The following HAPLN2 variants were observed in gnomAD, a reference collection of about 807,000 sequenced individuals.
HAPLN2 encodes hyaluronan and proteoglycan link protein 2.
Under a neutral mutation model 29.3 loss-of-function variants are expected in HAPLN2, and 27 were observed. That is an observed-to-expected ratio of 0.92 (90% CI 0.68 to 1.27). The LOEUF (loss-of-function observed/expected upper bound fraction) is 1.27. HAPLN2 is among the 50% of genes most tolerant of loss of function. HAPLN2 has a pLI of 0.00. For missense variants in HAPLN2, 454 were observed against 484.3 expected (o/e 0.94, Z 0.59); for synonymous variants, 208 against 211.7 (o/e 0.98, Z 0.15).
the HAPLN2 span, among the ~76,000 whole-genome samples, chr1:156,613,931 AAG>A: frequency 4.5e-4 from 66 of 147,552 alleles, no homozygotes; most frequent in Non-Finnish European, 7.4e-4. Context: ...AAAAAAAAAA[AAG>A]AAGAAAAGAA....
At position 156,620,482 on chromosome 1, in the gene HAPLN2, T is replaced by G. The variant is rs149855247; in HGVS notation, c.-25+324T>G. On this transcript the variant is annotated intron_variant, in intron 2 of 6. Transcript: ENST00000255039. ...GCACATTCAATTTTAAACGTGTTCA[T>G]TTGAGCTATCATTATTGTTGGTCTC... Among the ~76,000 whole-genome samples, 124 of 152,354 alleles carry G rather than the reference T, an allele frequency of 8.1e-4. 1 individual carries two copies. Among genetic ancestry groups the G allele is most frequent in the Non-Finnish European group, 1.1e-3 (74 of 68,036 alleles).
chr1:156,615,634 G>A (rs576995400), upstream of HAPLN2, among the ~76,000 whole-genome samples: 5 of 148,384 alleles, frequency 3.4e-5, no homozygotes, highest in East Asian at 6.1e-4. Flanking sequence ...GCAGTGGTGC[G>A]ATCTCAGCTC....
At chr1:156,622,308 G>T (rs956343456) in intron 2 of HAPLN2, among the ~76,000 whole-genome samples, 2 of 152,050 alleles carry the variant, frequency 1.3e-5, no homozygotes, top group South Asian at 4.2e-4. Context: ...AAAAAATTTA[G>T]TGGGGTTTCA....
chr1:156,613,544 A>G, the HAPLN2 span, among the ~76,000 whole-genome samples: 1 of 152,166 alleles, frequency 6.6e-6, no homozygotes, highest in Non-Finnish European at 1.5e-5. Context: ...TGTAAGTTGT[A>G]GATTATTTAT....
At chr1:156,622,551 G>A (rs998327792) in intron 2 of HAPLN2, among the ~76,000 whole-genome samples, 4 of 152,098 alleles carry the variant, frequency 2.6e-5, no homozygotes, top group South Asian at 2.1e-4. Context: ...AGGCCTGTGC[G>A]ACCAATGCAG....
the HAPLN2 span, among the ~76,000 whole-genome samples, chr1:156,609,192 T>C: frequency 6.6e-6 from 1 of 152,180 alleles, no homozygotes; most frequent in Non-Finnish European, 1.5e-5. Flanking sequence ...CCCCTAAACA[T>C]GCACAGGACC....
chr1:156,624,909 G>GGCCCCCCCCCCCC, intron 6 of HAPLN2, 126 bp downstream of exon 6: 4 of 999,492 alleles, frequency 4.0e-6, no homozygotes, highest in Non-Finnish European at 5.5e-6. Context: ...CCCCCCATCA[G>GGCCCCCCCCCCCC]CCCGCCCGCC....
chr1:156,602,457 C>T, the HAPLN2 span, among the ~76,000 whole-genome samples: 6 of 147,860 alleles, frequency 4.1e-5, no homozygotes, highest in South Asian at 1.1e-3. Context: ...CCTGTAATCC[C>T]AGCACTTTGG....
chr1:156,618,488 A>AT (rs1402608099), upstream of HAPLN2, among the ~76,000 whole-genome samples: 1 of 150,572 alleles, frequency 6.6e-6, no homozygotes, highest in Non-Finnish European at 1.5e-5. Context: ...TAAAAAAAAA[A>AT]TTTTAAAAAG....
At chr1:156,619,790 T>C (rs944634841) in intron 1 of HAPLN2, among the ~76,000 whole-genome samples, 1 of 152,164 alleles carries the variant, frequency 6.6e-6, no homozygotes, top group Non-Finnish European at 1.5e-5. Flanking sequence ...GCTCCCTTTA[T>C]TCCACTCCCC....
At chr1:156,607,037 T>G in the HAPLN2 span, among the ~76,000 whole-genome samples, 1 of 152,170 alleles carries the variant, frequency 6.6e-6, no homozygotes, top group African/African-American at 2.4e-5. Flanking sequence ...CCAATTTCTC[T>G]TTCTCCCCCA....
At chr1:156,605,694 A>G in the HAPLN2 span, among the ~76,000 whole-genome samples, 1 of 152,190 alleles carries the variant, frequency 6.6e-6, no homozygotes, top group Admixed American at 6.5e-5. Context: ...CCTGATTTCA[A>G]AACTTACTAC....
At chr1:156,609,006 G>A in the HAPLN2 span, among the ~76,000 whole-genome samples, 3 of 152,204 alleles carry the variant, frequency 2.0e-5, no homozygotes, top group Admixed American at 6.5e-5. Flanking sequence ...GGACCGTGAT[G>A]GTAAGAACAC....
Position 156,625,454 on chromosome 1 carries a change from C to T in HAPLN2, c.*70C>T, listed in dbSNP as rs1455336829. ...TCGTGGCGGGGGTCTCTCGCCACCCCTTTCCGGAGAGCCTCCCCTCCCTCC... is the reference window on the plus strand; with the variant it reads ...TCGTGGCGGGGGTCTCTCGCCACCCTTTTCCGGAGAGCCTCCCCTCCCTCC... On this transcript the variant is annotated 3_prime_UTR_variant, in exon 7 of 7. Coordinates refer to ENST00000255039, the MANE Select transcript of HAPLN2 (RefSeq NM_021817.3). The surrounding 1 kb of genome is among the most constrained non-coding windows in gnomAD (Gnocchi z 5.7). 1 of 1,433,462 alleles carries T rather than the reference C, an allele frequency of 7.0e-7. No individual in the cohort carries two copies. The highest frequency in any genetic ancestry group is 1.4e-5 in the South Asian group (1 of 71,688). The allele number at this position is 1,433,462 out of a possible 1,614,324, so 88.8% of individuals were successfully genotyped here. A position where few individuals can be genotyped will look rare whatever the true frequency, so the allele number is the denominator to read the frequency against.
chr1:156,607,913 C>T, the HAPLN2 span, among the ~76,000 whole-genome samples: 19 of 151,704 alleles, frequency 1.3e-4, no homozygotes, highest in East Asian at 1.9e-4. Context: ...CTTACCTATT[C>T]GAATATTATT....
intron 2 of HAPLN2, among the ~76,000 whole-genome samples, chr1:156,622,957 C>G (rs1039199348): frequency 1.3e-5 from 2 of 150,990 alleles, no homozygotes; most frequent in Non-Finnish European, 1.5e-5. Context: ...TCACCTGGAG[C>G]TGGAAGTTAG....
chr1:156,609,199 G>A, the HAPLN2 span, among the ~76,000 whole-genome samples: 1 of 152,200 alleles, frequency 6.6e-6, no homozygotes, highest in Non-Finnish European at 1.5e-5. Flanking sequence ...ACATGCACAG[G>A]ACCTGAGCCA....
At chr1:156,612,698 C>T in the HAPLN2 span, among the ~76,000 whole-genome samples, 3 of 152,114 alleles carry the variant, frequency 2.0e-5, no homozygotes, top group Admixed American at 6.5e-5. Flanking sequence ...TCCTTAGCTA[C>T]GCGAAGGACT....
the HAPLN2 span, among the ~76,000 whole-genome samples, chr1:156,603,459 ATATG>A: frequency 6.6e-6 from 1 of 150,414 alleles, no homozygotes. Context: ...TATCTAAAAT[ATATG>A]TGTGTGTGTA....
Sources: gnomAD v4.1 joint callset for allele counts (sites outside exome capture counted in the v4.1 genomes callset) on GRCh38, gnomAD v4.1.1 for gene constraint, Gnocchi (gnomAD v3.1) non-coding constraint, MANE v1.5 for transcripts, NCBI Gene and HGNC (gene_info 2026-07-23, HGNC 2026-07-21) for gene names.